DNAJC21: variants seen among roughly 807,000 people sequenced by gnomAD.
DNAJC21 encodes dnaJ homolog subfamily C member 21.
DNAJC21 carries 63 observed loss-of-function variants against 72.4 expected under a neutral mutation model. That is an observed-to-expected ratio of 0.87 (90% CI 0.71 to 1.07). The LOEUF (loss-of-function observed/expected upper bound fraction) is 1.07, where lower values mean the gene tolerates loss of function less well. Among genes scored for constraint, DNAJC21 ranks in the 50% least tolerant of loss-of-function variants. DNAJC21 has a pLI of 0.00. For missense variants in DNAJC21, 634 were observed against 644.8 expected, an observed-to-expected ratio of 0.98 and a Z score of 0.18; for synonymous variants, 203 against 216.7, an observed-to-expected ratio of 0.94 and a Z score of 0.56.
chr5:34,947,360 G>T (rs933870635), intron 9 of DNAJC21, among the ~76,000 whole-genome samples: 1 of 152,118 alleles, frequency 6.6e-6, no homozygotes, highest in African/African-American at 2.4e-5. Flanking sequence ...TGGTGGTATT[G>T]GTGTGGTATT....
intron 2 of DNAJC21, among the ~76,000 whole-genome samples, chr5:34,935,274 T>C (rs138126539): frequency 7.5e-4 from 114 of 152,252 alleles, no homozygotes; most frequent in African/African-American, 2.6e-3. Flanking sequence ...GAAGCAATTG[T>C]GTGTGTGTGA....
Position 34,935,755 on chromosome 5 carries a change from C to T in DNAJC21, c.237C>T (p.Gly79=), listed in dbSNP as rs142766405. 9 of 1,613,674 alleles carry T rather than the reference C, an allele frequency of 5.6e-6. No individual in the cohort carries two copies. Among genetic ancestry groups the T allele is most frequent in the South Asian group, 2.2e-5 (2 of 91,056 alleles). ...CCCTACTTAAAGGTGGGTTTGATGG[C>T]GAATATCAAGATGACAGCTTAGATT... ...REALLKGGFD[G]EYQDDSLDLL... The change falls in exon 3 of 12, where the codon GGC becomes GGT. Residue 79 remains glycine (G), a synonymous_variant. Coordinates refer to ENST00000648817, the MANE Select transcript of DNAJC21 (RefSeq NM_001012339.3).
At position 34,956,481 on chromosome 5, in the gene DNAJC21, G is replaced by A. The variant is rs1324225764; in HGVS notation, c.*1767G>A. On this transcript the variant is annotated 3_prime_UTR_variant, in exon 12 of 12. Transcript: ENST00000648817. ...TGTATCTTCTGATCTCGTACCCTGA[G>A]ACTTCATCTGAATGTGCTCTGCCGC... 7.9e-5 allele frequency: 12 copies of A among 151,980 alleles called. No homozygotes were observed. Among genetic ancestry groups the A allele is most frequent in the Non-Finnish European group, 1.8e-4 (12 of 68,008 alleles). The allele number at this position is 151,980 out of a possible 1,614,324, so 9.4% of individuals were successfully genotyped here.
chr5:34,942,670 C>G (rs973678990), intron 7 of DNAJC21, among the ~76,000 whole-genome samples: 3 of 152,102 alleles, frequency 2.0e-5, no homozygotes, highest in African/African-American at 7.2e-5. Flanking sequence ...TGTCCTCTTT[C>G]TCTCTACACG....
intron 10 of DNAJC21, chr5:34,953,717 G>A (rs1221519184): frequency 1.1e-5 from 5 of 437,116 alleles, no homozygotes; most frequent in Middle Eastern, 6.0e-4. Flanking sequence ...CTTAATTTTT[G>A]TGCCAAATTT....
At chr5:34,949,634 AG>A in intron 9 of DNAJC21, 2 of 1,610,684 alleles carry the variant, frequency 1.2e-6, no homozygotes, top group Non-Finnish European at 1.7e-6. Context: ...AGAGATGGAG[AG>A]AGCGAGCACA....
At chr5:34,935,343 A>G (rs1173627043) in intron 2 of DNAJC21, among the ~76,000 whole-genome samples, 2 of 152,246 alleles carry the variant, frequency 1.3e-5, no homozygotes, top group Non-Finnish European at 2.9e-5. Flanking sequence ...GCATCTTGGT[A>G]AATTTCCAAA....
intron 10 of DNAJC21, among the ~76,000 whole-genome samples, chr5:34,953,105 G>A (rs918930695): frequency 7.2e-5 from 11 of 151,862 alleles, no homozygotes; most frequent in Non-Finnish European, 1.6e-4. Flanking sequence ...AGCCAAGATC[G>A]CGCCACTGCA....
At position 34,936,185 on chromosome 5, in the gene DNAJC21, CA is replaced by C; in HGVS notation, c.359del (p.Lys120ArgfsTer4). 1 of 1,613,880 alleles carries C rather than the reference CA, an allele frequency of 6.2e-7. No individual in the cohort carries two copies. The highest frequency in any genetic ancestry group is 8.5e-7 in the Non-Finnish European group (1 of 1,179,952). ...VYRNVFEMIA[K>X]EELESVLEEE... Reference sequence around the variant, plus strand: ...ATCGTAATGTTTTTGAAATGATTGCCAAGGAAGAACTAGAATCTGTGTTAGA... The same window carrying C: ...ATCGTAATGTTTTTGAAATGATTGCCAGGAAGAACTAGAATCTGTGTTAGA... On this transcript the variant is annotated frameshift_variant, in exon 4 of 12. Transcript: ENST00000648817. LOFTEE classifies it high-confidence loss of function.
At chr5:34,947,263 G>A (rs1177498706) in intron 9 of DNAJC21, among the ~76,000 whole-genome samples, 1 of 152,118 alleles carries the variant, frequency 6.6e-6, no homozygotes, top group Non-Finnish European at 1.5e-5. Flanking sequence ...CTCAAACATA[G>A]TACTCTGACT....
chr5:34,944,368 TC>T (rs1356947155), intron 7 of DNAJC21, among the ~76,000 whole-genome samples: 1 of 152,228 alleles, frequency 6.6e-6, no homozygotes, highest in African/African-American at 2.4e-5. Context: ...AGGGGGCTCT[TC>T]CTTTTAACAT....
chr5:34,938,774 GGGAAT>G, intron 5 of DNAJC21, 79 bp from the exon 6 acceptor site: 1 of 1,389,976 alleles, frequency 7.2e-7, no homozygotes, highest in East Asian at 2.6e-5. Flanking sequence ...GCTCTCTAGT[GGGAAT>G]GGATTTTAAA....
At chr5:34,946,114 A>G (rs181664105) in intron 9 of DNAJC21, among the ~76,000 whole-genome samples, 1 of 152,186 alleles carries the variant, frequency 6.6e-6, no homozygotes, top group African/African-American at 2.4e-5. Flanking sequence ...AAGGCTTTTA[A>G]GTCAAGACAA....
intron 1 of DNAJC21, chr5:34,930,171 A>G: frequency 3.5e-6 from 1 of 282,846 alleles, no homozygotes; most frequent in East Asian, 5.9e-5. Context: ...CTGTAGGGGG[A>G]AAACTGCAGT....
chr5:34,934,420 G>A (rs1475569866), intron 2 of DNAJC21, among the ~76,000 whole-genome samples: 1 of 150,484 alleles, frequency 6.6e-6, no homozygotes. Context: ...TAGTAGAGAC[G>A]GGGTTTCAGC....
chr5:34,945,153 C>T (rs569531124), intron 8 of DNAJC21, 128 bp downstream of exon 8: 1 of 1,097,798 alleles, frequency 9.1e-7, no homozygotes, highest in Admixed American at 2.4e-5. Flanking sequence ...TCTCAGCTCA[C>T]TGCAACCTCC....
intron 6 of DNAJC21, among the ~76,000 whole-genome samples, chr5:34,939,313 C>T (rs563286891): frequency 1.0e-3 from 151 of 151,462 alleles, no homozygotes; most frequent in African/African-American, 3.4e-3. Flanking sequence ...GGCCGGACTG[C>T]GGACTGCAGT....
intron 1 of DNAJC21, chr5:34,930,447 T>C (rs1764552026): frequency 6.6e-6 from 1 of 150,458 alleles, no homozygotes; most frequent in South Asian, 2.1e-4. Flanking sequence ...CTTTTTTCGC[T>C]GTTTTTTTTT....
chr5:34,931,284 A>G (rs1343577980), intron 1 of DNAJC21, among the ~76,000 whole-genome samples: 3 of 152,246 alleles, frequency 2.0e-5, no homozygotes, highest in Non-Finnish European at 4.4e-5. Flanking sequence ...GCAGAAGTAA[A>G]TGAACTGATG....
Sources: gnomAD v4.1 joint callset for allele counts (sites outside exome capture counted in the v4.1 genomes callset) on GRCh38, gnomAD v4.1.1 for gene constraint, MANE v1.5 for transcripts, NCBI Gene and HGNC (gene_info 2026-07-23, HGNC 2026-07-21) for gene names.